NOTCH2: variants seen among roughly 807,000 people sequenced by gnomAD.
The protein encoded by NOTCH2 is neurogenic locus notch homolog protein 2.
A neutral mutation model predicts 235.8 loss-of-function variants in NOTCH2; 29 were observed. That is an observed-to-expected ratio of 0.12 (90% CI 0.09 to 0.17). NOTCH2 has a LOEUF of 0.17. Among genes scored for constraint, NOTCH2 ranks in the 10% least tolerant of loss-of-function variants. The pLI, the probability that NOTCH2 is intolerant of heterozygous loss-of-function variation, is 1.00. For synonymous variants in NOTCH2, 1,086 were observed against 1,141.5 expected (o/e 0.95, Z 0.98); for missense variants, 2,285 against 3,150.2 (o/e 0.73, Z 6.57).
intron 15 of NOTCH2, chr1:119,950,349 T>C: frequency 2.6e-6 from 1 of 382,260 alleles, no homozygotes; most frequent in South Asian, 2.0e-5. Context: ...ACAAAAAGTG[T>C]CTGGCACATA....
chr1:119,957,164 G>C (rs1476151002), intron 12 of NOTCH2, among the ~76,000 whole-genome samples: 1 of 152,214 alleles, frequency 6.6e-6, no homozygotes, highest in Non-Finnish European at 1.5e-5. Context: ...TTGCTATAAA[G>C]ATGATTAAAC....
intron 11 of NOTCH2, among the ~76,000 whole-genome samples, chr1:119,961,761 TA>T (rs1650946343): frequency 6.6e-6 from 1 of 152,206 alleles, no homozygotes; most frequent in Admixed American, 6.5e-5. Flanking sequence ...CTCTGGGTAG[TA>T]TATCTCACTT....
chr1:119,965,483 G>C lies in NOTCH2; in HGVS notation c.1651C>G (p.Pro551Ala). The change falls in exon 10 of 34, where the codon CCG (proline) becomes GCG (alanine). Residue 551 changes from proline (P) to alanine (A), a missense_variant. Around this residue, in one of 6 missense-constraint regions of NOTCH2, gnomAD observed 431 missense variants for 757.8 expected, o/e 0.57. Coordinates refer to ENST00000256646, the MANE Select transcript of NOTCH2 (RefSeq NM_024408.4). ...GCACACTGGCATTCATAGCCATTCG[G>C]GTGATCGATACACTTTGCCCCATTC... The part of the protein sequence containing the change: ...CLNGAKCIDH[P>A]NGYECQCATG... The C allele has an allele frequency of 1.2e-6, 2 of 1,613,886 alleles. No homozygotes were observed. The highest frequency in any genetic ancestry group is 1.1e-5 in the South Asian group (1 of 91,080).
At chr1:119,996,705 G>C (rs1238923928) in intron 4 of NOTCH2, 4 of 1,206,266 alleles carry the variant, frequency 3.3e-6, no homozygotes, top group Non-Finnish European at 5.0e-6. Context: ...AGACTTGCCT[G>C]TCCCTTTCCC....
At chr1:119,925,901 C>T in intron 24 of NOTCH2, 91 bp from the exon 25 acceptor site, 2 of 1,441,796 alleles carry the variant, frequency 1.4e-6, no homozygotes, top group South Asian at 1.2e-5. Flanking sequence ...CCACATCTCA[C>T]TCCCTTCTGT....
At chr1:119,941,221 G>C (rs587702318) in intron 18 of NOTCH2, among the ~76,000 whole-genome samples, 3 of 152,298 alleles carry the variant, frequency 2.0e-5, no homozygotes, top group African/African-American at 7.2e-5. Flanking sequence ...CAGAAAAACT[G>C]GAATTTTTGG....
intron 5 of NOTCH2, among the ~76,000 whole-genome samples, chr1:119,970,373 T>C (rs1004746400): frequency 6.6e-6 from 1 of 152,156 alleles, no homozygotes; most frequent in Non-Finnish European, 1.5e-5. Context: ...ATGAAAGATG[T>C]TGAAAATCTC....
intron 28 of NOTCH2, 91 bp from the exon 29 acceptor site, chr1:119,921,900 G>T: frequency 9.1e-7 from 1 of 1,103,872 alleles, no homozygotes; most frequent in Non-Finnish European, 1.4e-6. Context: ...CACTCCCGTG[G>T]CTATATTACA....
intron 1 of NOTCH2, among the ~76,000 whole-genome samples, chr1:120,040,881 CA>C (rs1301494713): frequency 9.1e-5 from 13 of 142,988 alleles, no homozygotes; most frequent in East Asian, 2.0e-4. Context: ...ACTAAAAATA[CA>C]AAAAAAAAAT....
At chr1:119,969,460 G>T in intron 6 of NOTCH2, 51 bp downstream of exon 6, 1 of 1,463,246 alleles carries the variant, frequency 6.8e-7, no homozygotes, top group Non-Finnish European at 9.5e-7. Flanking sequence ...GCAGAGTCCT[G>T]AATGCCCCCT....
At chr1:119,945,248 T>G (rs77167138) in intron 17 of NOTCH2, among the ~76,000 whole-genome samples, 8,435 of 152,240 alleles carry the variant, frequency 0.055, 338 homozygotes, top group Non-Finnish European at 0.087. Context: ...TTGAAATTTA[T>G]GTATGTAGAT....
chr1:119,954,990 C>T (rs2101124132), intron 13 of NOTCH2, 50 bp downstream of exon 13: 2 of 1,595,354 alleles, frequency 1.3e-6, no homozygotes, highest in Non-Finnish European at 1.7e-6. Context: ...TACAAGCCAA[C>T]TGGCTTAACA....
intron 21 of NOTCH2, 29 bp downstream of exon 21, chr1:119,937,253 C>T (rs782478508): frequency 8.1e-6 from 13 of 1,607,588 alleles, no homozygotes; most frequent in Non-Finnish European, 1.7e-6. Flanking sequence ...CTGGGAGGTC[C>T]ATGACCTCTG....
intron 5 of NOTCH2, among the ~76,000 whole-genome samples, chr1:119,983,723 C>A (rs1424548269): frequency 6.6e-6 from 1 of 152,132 alleles, no homozygotes; most frequent in Non-Finnish European, 1.5e-5. Flanking sequence ...CTAAATCAAA[C>A]CATGAATAGA....
chr1:119,977,586 A>G (rs1318724087), intron 5 of NOTCH2, among the ~76,000 whole-genome samples: 1 of 152,136 alleles, frequency 6.6e-6, no homozygotes, highest in East Asian at 1.9e-4. Flanking sequence ...TTTTCTTTTT[A>G]TTCCCCAACG....
chr1:119,995,538 T>C (rs1157722953), intron 4 of NOTCH2: 1 of 152,260 alleles, frequency 6.6e-6, no homozygotes, highest in Non-Finnish European at 1.5e-5. Flanking sequence ...TTTCTGTCTT[T>C]AACCCTTAAA....
chr1:119,958,035 G>A lies in NOTCH2; in HGVS notation c.2026+1357C>T, dbSNP rs57257610. ...TTCTTATTCTGTAGGTATTCTCAAC[G>A]TCGGTGACAATTGACAATTTAGTGC... On this transcript the variant is annotated intron_variant, in intron 12 of 33. Coordinates refer to ENST00000256646, the MANE Select transcript of NOTCH2 (RefSeq NM_024408.4). Among the ~76,000 whole-genome samples the A allele has an allele frequency of 1.2e-3, 179 of 152,214 alleles. 3 individuals are homozygous for A. The highest frequency in any genetic ancestry group is 3.9e-3 in the African/African-American group (164 of 41,522).
rs1557824894 is a variant in NOTCH2 at position 119,965,515 on chromosome 1, G to A, written c.1619C>T (p.Pro540Leu). ...QIDIDDCSST[P>L]CLNGAKCIDH... Reference sequence around the variant, plus strand: ...GATACACTTTGCCCCATTCAGACACGGAGTACTGGAACAGTCATCAATATC... The same window carrying A: ...GATACACTTTGCCCCATTCAGACACAGAGTACTGGAACAGTCATCAATATC... Residue 540 changes from proline (P) to leucine (L), a missense_variant, in exon 10 of 34, where the codon CCG becomes CTG. Pro to Leu is a moderately conservative substitution (Grantham distance 98, BLOSUM62 -3). Transcript: ENST00000256646. 5 of 1,614,028 alleles carry A rather than the reference G, an allele frequency of 3.1e-6. No individual in the cohort carries two copies. Among genetic ancestry groups the A allele is most frequent in the East Asian group, 2.2e-5 (1 of 44,894 alleles).
At position 119,955,084 on chromosome 1, in the gene NOTCH2, C is replaced by G. The variant is rs2101124424; in HGVS notation, c.2175G>C (p.Leu725=). The G allele has an allele frequency of 6.2e-7, 1 of 1,614,094 alleles. No individual in the cohort carries two copies. The highest frequency in any genetic ancestry group is 8.5e-7 in the Non-Finnish European group (1 of 1,179,990). ...PSCYSQVNEC[L]SNPCIHGNCT... ...AGTTTCCATGGATGCAGGGATTGCT[C>G]AGGCATTCGTTCACCTGTGAGTAGC... Residue 725 remains leucine, a synonymous_variant, in exon 13 of 34, where the codon CTG becomes CTC. Coordinates refer to ENST00000256646, the MANE Select transcript of NOTCH2 (RefSeq NM_024408.4).
Sources: gnomAD v4.1 joint callset for allele counts (sites outside exome capture counted in the v4.1 genomes callset) on GRCh38, gnomAD v4.1.1 for gene constraint, gnomAD v4.1.1 regional missense constraint, MANE v1.5 for transcripts, NCBI Gene and HGNC (gene_info 2026-07-23, HGNC 2026-07-21) for gene names.